The following ELF2 variants were observed in gnomAD, a reference collection of about 807,000 sequenced individuals.
The protein encoded by ELF2 is ETS-related transcription factor Elf-2.
Under a neutral mutation model 54.8 loss-of-function variants are expected in ELF2, and 11 were observed. The ratio of observed to expected loss-of-function variants is 0.20; its 90% CI spans 0.13 to 0.33. The LOEUF is 0.33. Ranked by LOEUF, ELF2 falls within the 10% of genes least tolerant of loss-of-function variation. The pLI is 1.00. For synonymous variants in ELF2, 203 were observed against 245.1 expected (o/e 0.83, Z 1.61); for missense variants, 513 against 703.0 (o/e 0.73, Z 3.06).
At chr4:139,104,438 A>C (rs1171963520) in intron 4 of ELF2, among the ~76,000 whole-genome samples, 1 of 147,894 alleles carries the variant, frequency 6.8e-6, no homozygotes, top group Non-Finnish European at 1.5e-5. Flanking sequence ...TGAGCCCGAA[A>C]GGCGAGGTTG....
chr4:139,173,625 G>A (rs1273968264), intron 1 of ELF2, among the ~76,000 whole-genome samples: 5 of 151,606 alleles, frequency 3.3e-5, no homozygotes, highest in African/African-American at 9.7e-5. Context: ...GGGCGTGGTG[G>A]CACGCGCCCG....
At chr4:139,069,501 C>T (rs937629198) in intron 6 of ELF2, among the ~76,000 whole-genome samples, 2 of 152,088 alleles carry the variant, frequency 1.3e-5, no homozygotes, top group East Asian at 1.9e-4. Flanking sequence ...AGCACAAAAG[C>T]CCAACTTAGT....
intron 4 of ELF2, chr4:139,114,804 G>C: frequency 6.6e-7 from 1 of 1,521,596 alleles, no homozygotes; most frequent in Non-Finnish European, 9.0e-7. Flanking sequence ...CCCTGGGCCA[G>C]GGGCACGAGG....
chr4:139,159,229 A>G (rs980095553), intron 1 of ELF2, among the ~76,000 whole-genome samples: 4 of 152,158 alleles, frequency 2.6e-5, no homozygotes, highest in Non-Finnish European at 5.9e-5. Flanking sequence ...GAAGGGGCCT[A>G]AGAAATTCCT....
At chr4:139,137,325 C>G (rs965920881) in intron 3 of ELF2, 10 of 400,696 alleles carry the variant, frequency 2.5e-5, no homozygotes, top group Admixed American at 8.0e-5. Context: ...ACAGTATAAT[C>G]CAAGACAATG....
At chr4:139,092,418 T>TAACATAACATAACATAACA (rs1732751827) in intron 4 of ELF2, among the ~76,000 whole-genome samples, 2 of 51,258 alleles carry the variant, frequency 3.9e-5, no homozygotes, top group Non-Finnish European at 8.6e-5. Context: ...ATAACATACA[T>TAACATAACATAACATAACA]AACATAACAT....
chr4:139,066,482 T>C (rs1728725046), intron 7 of ELF2: 2 of 151,774 alleles, frequency 1.3e-5, no homozygotes, highest in Admixed American at 1.3e-4. Flanking sequence ...ATAATAAAAA[T>C]AATTTTAAAA....
chr4:139,061,817 A>G (rs779043232), intron 8 of ELF2, 48 bp downstream of exon 8: 10 of 1,598,072 alleles, frequency 6.3e-6, no homozygotes, highest in Non-Finnish European at 6.8e-6. Flanking sequence ...TAGACATATA[A>G]AGAAATACAT....
chr4:139,157,424 G>A (rs894860986), intron 1 of ELF2, among the ~76,000 whole-genome samples: 2 of 150,916 alleles, frequency 1.3e-5, no homozygotes, highest in African/African-American at 4.9e-5. Context: ...TTTTTATACT[G>A]GGTCTCACTC....
In ELF2 at chr4:139,175,519, A is replaced by T. The variant is rs186346836; in HGVS notation, c.-252+1448T>A. Among the ~76,000 whole-genome samples, 42 of 152,300 alleles carry T rather than the reference A, an allele frequency of 2.8e-4. No homozygotes were observed. The East Asian group carries it at 6.0e-3, about 22-fold the overall frequency. On this transcript the variant is annotated intron_variant, in intron 1 of 9. Transcript: ENST00000686138. Reference sequence around the variant, plus strand: ...TTTTATTATTCCTAAATTCCCTTAAATGTAATTTAATGGTTTCCAGTCCTA... The same window carrying T: ...TTTTATTATTCCTAAATTCCCTTAATTGTAATTTAATGGTTTCCAGTCCTA...
At chr4:139,147,890 G>C (rs1317530317) in intron 1 of ELF2, among the ~76,000 whole-genome samples, 1 of 146,418 alleles carries the variant, frequency 6.8e-6, no homozygotes, top group Non-Finnish European at 1.5e-5. Context: ...AGGTTCAAGC[G>C]ATTCTCCTGT....
At chr4:139,112,604 T>G (rs567582222) in intron 4 of ELF2, among the ~76,000 whole-genome samples, 195 of 152,374 alleles carry the variant, frequency 1.3e-3, no homozygotes, top group Non-Finnish European at 2.5e-3. Context: ...TAACCTTGTT[T>G]GCTACTCATT....
chr4:139,109,963 A>C (rs549453263), intron 4 of ELF2, among the ~76,000 whole-genome samples: 7 of 152,230 alleles, frequency 4.6e-5, no homozygotes, highest in Non-Finnish European at 1.0e-4. Context: ...ACAAACCTGC[A>C]CATGTACCCC....
At chr4:139,114,561 T>TCACACA (rs776035411) in intron 4 of ELF2, among the ~76,000 whole-genome samples, 1,241 of 108,620 alleles carry the variant, frequency 0.011, 35 homozygotes, top group African/African-American at 0.038. Flanking sequence ...GACTTCAGTC[T>TCACACA]CACACACACA....
chr4:139,104,170 G>C (rs1299370206), intron 4 of ELF2, among the ~76,000 whole-genome samples: 1 of 151,962 alleles, frequency 6.6e-6, no homozygotes, highest in African/African-American at 2.4e-5. Context: ...GAAAATAAAG[G>C]CTATAAAGCT....
At chr4:139,177,548 G>C (rs914928974), upstream of ELF2, among the ~76,000 whole-genome samples, 1 of 152,010 alleles carries the variant, frequency 6.6e-6, no homozygotes, top group Non-Finnish European at 1.5e-5. Context: ...CGCCTTCCCA[G>C]GTAAAGACGC....
In ELF2 at chr4:139,170,259, C is replaced by CA. The variant is rs1387778713; in HGVS notation, c.-252+6707_-252+6708insT. Among the ~76,000 whole-genome samples, 20 of 89,304 alleles carry CA rather than the reference C, an allele frequency of 2.2e-4. No homozygotes were observed. The East Asian group carries it at 6.2e-3, about 28-fold the overall frequency. The allele number at this position is 89,304 out of a possible 152,430, so 58.6% of individuals were successfully genotyped here. A position where few individuals can be genotyped will look rare whatever the true frequency, so the allele number is the denominator to read the frequency against. ...TTACACTTTAAAAGATCTTAATCGC[C>CA]TTTTTTTTTTTTTTTTTTTTTTTGA... On this transcript the variant is annotated intron_variant, in intron 1 of 9. Transcript: ENST00000686138.
chr4:139,152,007 A>G (rs1464059101), intron 1 of ELF2, among the ~76,000 whole-genome samples: 1 of 152,204 alleles, frequency 6.6e-6, no homozygotes, highest in Non-Finnish European at 1.5e-5. Flanking sequence ...AGAAAGGGTG[A>G]CTCTATTTAT....
At chr4:139,064,654 C>T (rs1466200771) in intron 7 of ELF2, among the ~76,000 whole-genome samples, 5 of 151,878 alleles carry the variant, frequency 3.3e-5, no homozygotes, top group African/African-American at 9.7e-5. Flanking sequence ...CCGTGGCGGG[C>T]GGATCACCTG....
Sources: allele counts gnomAD v4.1 joint callset (sites outside exome capture counted in the v4.1 genomes callset), GRCh38; gene constraint gnomAD v4.1.1; transcripts MANE v1.5; gene names NCBI Gene and HGNC (gene_info 2026-07-23, HGNC 2026-07-21).